Variants in UMODL1 observed in about 807,000 individuals in gnomAD.
UMODL1 encodes the protein uromodulin like 1, also known as uromodulin-like 1.
In UMODL1, 128 loss-of-function variants were observed where a neutral mutation model predicts 136.3. That is an observed-to-expected ratio of 0.94 (90% CI 0.81 to 1.09). The LOEUF is 1.09. Ranked by LOEUF, UMODL1 falls within the 50% of genes least tolerant of loss-of-function variation. UMODL1 has a pLI of 0.00. For missense variants in UMODL1, 1,766 were observed against 1,725.6 expected (o/e 1.02, Z -0.41); for synonymous variants, 721 against 720.0 (o/e 1.00, Z -0.02).
At chr21:42,077,002 GGTGTGTGTGTGTGT>G (rs56409028) in intron 2 of UMODL1, among the ~76,000 whole-genome samples, 2,572 of 113,228 alleles carry the variant, frequency 0.023, 62 homozygotes, top group South Asian at 0.031. Context: ...CCAGGGGAGG[GGTGTGTGTGTGTGT>G]GTGTGTGTGT....
intron 21 of UMODL1, among the ~76,000 whole-genome samples, chr21:42,133,389 G>A (rs1315555255): frequency 1.3e-5 from 2 of 152,246 alleles, no homozygotes; most frequent in African/African-American, 4.8e-5. Context: ...CACGAGCTGG[G>A]CCTGCGAGTG....
At chr21:42,084,942 G>A (rs1300431279) in intron 3 of UMODL1, among the ~76,000 whole-genome samples, 1 of 151,580 alleles carries the variant, frequency 6.6e-6, no homozygotes, top group Non-Finnish European at 1.5e-5. Context: ...AAAGTATAAA[G>A]TAATTTTCTA....
At chr21:42,124,333 C>T (rs181901817) in intron 17 of UMODL1, among the ~76,000 whole-genome samples, 9 of 152,232 alleles carry the variant, frequency 5.9e-5, no homozygotes, top group African/African-American at 1.7e-4. Flanking sequence ...CTGGAGGGGC[C>T]GGCGGCTTCA....
At chr21:42,108,456 C>T (rs950175963) in intron 9 of UMODL1, 3 of 465,770 alleles carry the variant, frequency 6.4e-6, no homozygotes, top group African/African-American at 4.0e-5. Context: ...TCTGTGGAGA[C>T]CGCAGGAAGC....
chr21:42,138,766 G>A (rs1195416362), intron 22 of UMODL1, among the ~76,000 whole-genome samples: 2 of 152,226 alleles, frequency 1.3e-5, no homozygotes, highest in South Asian at 2.1e-4. Context: ...GTAGATACAG[G>A]GTTTCTCCAT....
rs527641226 is a variant in UMODL1 at position 42,063,603 on chromosome 21, T to G, written c.-141+389T>G. On this transcript the variant is annotated intron_variant, in intron 1 of 22. Transcript: ENST00000400424. Reference sequence around the variant, plus strand: ...CCCAGGGAGGCTGCTCACCTGATCGTTAGGACAGGAGCAGTGGAAACCTCT... The same window carrying G: ...CCCAGGGAGGCTGCTCACCTGATCGGTAGGACAGGAGCAGTGGAAACCTCT... 4.8e-4 allele frequency among the ~76,000 whole-genome samples: 69 copies of G among 144,724 alleles called. 1 individual carries two copies. The highest frequency in any genetic ancestry group is 9.3e-4 in the Non-Finnish European group (59 of 63,270). 94.9% of individuals were successfully genotyped at this position (144,724 alleles called of 152,430 possible).
chr21:42,098,207 G>C (rs961190472), intron 6 of UMODL1, among the ~76,000 whole-genome samples: 1 of 152,116 alleles, frequency 6.6e-6, no homozygotes. Context: ...AGTAACCACC[G>C]ATTCCGGATC....
chr21:42,119,913 A>G (rs2066947997), intron 15 of UMODL1, among the ~76,000 whole-genome samples: 2 of 152,264 alleles, frequency 1.3e-5, no homozygotes, highest in African/African-American at 4.8e-5. Context: ...GCAGAGATAA[A>G]TCAAAATAAA....
chr21:42,142,535 G>T lies in UMODL1; in HGVS notation c.*461G>T, dbSNP rs1464597365. On this transcript the variant is annotated 3_prime_UTR_variant, in exon 23 of 23. Coordinates refer to ENST00000408910, the MANE Select transcript of UMODL1 (RefSeq NM_001004416.3). The stretch of plus-strand genomic sequence containing the variant: ...ATAGAATATTTCACATTCTCAGAGA[G>T]ACCCGACCGCGCTCTTGATGCTCTT... The T allele has an allele frequency of 6.6e-6, 1 of 152,238 alleles. No homozygotes were observed. The highest frequency in any genetic ancestry group is 6.5e-5 in the Admixed American group (1 of 15,290). The allele number at this position is 152,238 out of a possible 1,614,324, so 9.4% of individuals were successfully genotyped here. A position where few individuals can be genotyped will look rare whatever the true frequency, so the allele number is the denominator to read the frequency against.
At chr21:42,106,173 G>A (rs563383131) in intron 9 of UMODL1, among the ~76,000 whole-genome samples, 43 of 152,304 alleles carry the variant, frequency 2.8e-4, no homozygotes, top group Non-Finnish European at 4.3e-4. Context: ...TGGTGTCTTC[G>A]GACGCCAGAG....
chr21:42,111,481 T>C, intron 11 of UMODL1, 25 bp from the exon 12 acceptor site: 1 of 1,613,868 alleles, frequency 6.2e-7, no homozygotes, highest in Non-Finnish European at 8.5e-7. Context: ...GGGCCACAGA[T>C]GGCCCACTGG....
intron 22 of UMODL1, among the ~76,000 whole-genome samples, chr21:42,138,725 G>A (rs1021776034): frequency 3.3e-5 from 5 of 152,020 alleles, no homozygotes; most frequent in South Asian, 4.2e-4. Context: ...ACAGGCATGC[G>A]CCACCACACC....
chr21:42,116,066 GGCTCA>G, intron 14 of UMODL1, 81 bp downstream of exon 14: 1 of 1,199,138 alleles, frequency 8.3e-7, no homozygotes, highest in Non-Finnish European at 1.2e-6. Flanking sequence ...TAGGCACGGT[GGCTCA>G]CCCCTGTAAT....
intron 8 of UMODL1, 134 bp from the exon 9 acceptor site, chr21:42,103,734 C>G: frequency 2.9e-6 from 3 of 1,037,062 alleles, no homozygotes; most frequent in South Asian, 1.3e-5. Flanking sequence ...TCTGAGAGGT[C>G]GGTCGTCAGG....
chr21:42,111,277 G>T (rs957547935), intron 11 of UMODL1, 156 bp downstream of exon 11: 1 of 1,425,792 alleles, frequency 7.0e-7, no homozygotes. Context: ...GCCCCAGCCA[G>T]GTGAACCCCA....
In UMODL1 at chr21:42,115,880, G is replaced by T; in HGVS notation, c.2370G>T (p.Arg790=). ...TTATCCTCCATCCTGCAGCAGCCCG[G>T]AAGCTCATTGGAAAGGTCAGAATCA... is the stretch of plus-strand genomic sequence containing the variant. ...RAHLKVRTAA[R]KLIGKVRIKN... is the part of the protein sequence containing the mutation. The change falls in exon 14 of 23, where the codon CGG becomes CGT. Residue 790 remains arginine, a synonymous_variant. Transcript: ENST00000408910. The T allele has an allele frequency of 6.2e-7, 1 of 1,613,914 alleles. No homozygotes were observed. The highest frequency in any genetic ancestry group is 1.7e-5 in the Admixed American group (1 of 60,008).
chr21:42,072,491 T>G (rs1214214803), intron 1 of UMODL1, among the ~76,000 whole-genome samples: 4 of 152,124 alleles, frequency 2.6e-5, no homozygotes, highest in African/African-American at 9.7e-5. Flanking sequence ...AATGGGTGGG[T>G]ATCCTGGGAA....
chr21:42,102,324 T>A (rs2066646479), intron 8 of UMODL1, 46 bp downstream of exon 8: 1 of 1,401,628 alleles, frequency 7.1e-7, no homozygotes, highest in Non-Finnish European at 1.0e-6. Context: ...GTGTTCTGAG[T>A]GAGGACATCA....
intron 12 of UMODL1, among the ~76,000 whole-genome samples, chr21:42,112,011 C>G (rs1327292105): frequency 6.6e-6 from 1 of 152,026 alleles, no homozygotes. Context: ...TTACTTGTCG[C>G]GTTAGGTGCT....
Sources: gnomAD v4.1 joint callset for allele counts (sites outside exome capture counted in the v4.1 genomes callset) on GRCh38, gnomAD v4.1.1 for gene constraint, MANE v1.5 for transcripts, NCBI Gene and HGNC (gene_info 2026-07-23, HGNC 2026-07-21) for gene names.